Variants in NPFFR2 observed in about 807,000 individuals in gnomAD.
NPFFR2 encodes G-protein coupled receptor 74.
A neutral mutation model predicts 13.1 loss-of-function variants in NPFFR2; 15 were observed. The observed-to-expected ratio is 1.15, with a 90% CI of 0.77 to 1.76. NPFFR2 has a LOEUF of 1.76. Among genes scored for constraint, NPFFR2 ranks in the 40% most tolerant of loss-of-function variants. The pLI, the probability that NPFFR2 is intolerant of heterozygous loss-of-function variation, is 0.00. For missense variants in NPFFR2, 572 were observed against 503.5 expected (o/e 1.14, Z -1.30); for synonymous variants, 190 against 175.7 (o/e 1.08, Z -0.65).
At chr4:72,074,682 A>T (rs756786331) in intron 1 of NPFFR2, among the ~76,000 whole-genome samples, 1 of 152,184 alleles carries the variant, frequency 6.6e-6, no homozygotes, top group African/African-American at 2.4e-5. Context: ...CTTATCAGTA[A>T]TTACTTTTAA....
At chr4:72,083,308 A>G (rs931802642) in intron 1 of NPFFR2, among the ~76,000 whole-genome samples, 12 of 152,190 alleles carry the variant, frequency 7.9e-5, no homozygotes, top group African/African-American at 2.7e-4. Context: ...ATTTCTACCA[A>G]CAGCATACAA....
Position 72,128,586 on chromosome 4 carries a change from T to A in NPFFR2, c.-6T>A. 1 of 1,584,688 alleles carries A rather than the reference T, an allele frequency of 6.3e-7. No individual in the cohort carries two copies. Among genetic ancestry groups the A allele is most frequent in the Non-Finnish European group, 8.6e-7 (1 of 1,160,376 alleles). Reference sequence around the variant, plus strand: ...CTTTTCTGTCTCTTCTTTATTAAGGTTCATCATGAATGAGAAATGGGACAC... The same window carrying A: ...CTTTTCTGTCTCTTCTTTATTAAGGATCATCATGAATGAGAAATGGGACAC... On this transcript the variant is annotated splice_region_variant and 5_prime_UTR_variant, in exon 2 of 4. Transcript: ENST00000308744.
At chr4:72,088,848 T>C (rs1720840145) in intron 1 of NPFFR2, among the ~76,000 whole-genome samples, 1 of 151,864 alleles carries the variant, frequency 6.6e-6, no homozygotes. Context: ...TTTTTTTCAA[T>C]AGGTTTTGGG....
At chr4:72,081,223 G>A (rs1053102120) in intron 1 of NPFFR2, among the ~76,000 whole-genome samples, 1 of 152,068 alleles carries the variant, frequency 6.6e-6, no homozygotes, top group Non-Finnish European at 1.5e-5. Flanking sequence ...TTATTAAAAC[G>A]ATTATTCCCA....
At chr4:72,081,490 T>TA (rs1720617896) in intron 1 of NPFFR2, among the ~76,000 whole-genome samples, 1 of 37,968 alleles carries the variant, frequency 2.6e-5, no homozygotes. Context: ...ATTTAAGAAT[T>TA]GTTTTTTTTT....
chr4:72,143,845 C>G (rs183345020), intron 3 of NPFFR2, among the ~76,000 whole-genome samples: 5 of 152,260 alleles, frequency 3.3e-5, no homozygotes, highest in Admixed American at 2.0e-4. Flanking sequence ...AAGTAGCCCT[C>G]AACTAAAATC....
At chr4:72,071,726 G>A (rs368932292) in intron 1 of NPFFR2, among the ~76,000 whole-genome samples, 36 of 152,116 alleles carry the variant, frequency 2.4e-4, no homozygotes, top group African/African-American at 8.4e-4. Flanking sequence ...TTATATACTG[G>A]GGATCTATGC....
At chr4:72,114,660 C>T (rs1721660839) in intron 1 of NPFFR2, among the ~76,000 whole-genome samples, 1 of 152,048 alleles carries the variant, frequency 6.6e-6, no homozygotes, top group Non-Finnish European at 1.5e-5. Context: ...TTTTCATCAC[C>T]TTATAACACA....
intron 1 of NPFFR2, among the ~76,000 whole-genome samples, chr4:72,093,023 T>G (rs1720957713): frequency 6.6e-6 from 1 of 152,298 alleles, no homozygotes; most frequent in African/African-American, 2.4e-5. Flanking sequence ...ATAGTTCTTG[T>G]TTGGTAGTGG....
intron 1 of NPFFR2, among the ~76,000 whole-genome samples, chr4:72,047,339 A>G (rs1398778090): frequency 6.6e-6 from 1 of 152,126 alleles, no homozygotes; most frequent in East Asian, 1.9e-4. Context: ...CCCTTCCATT[A>G]TAGGCCCAGA....
At chr4:72,119,502 G>T (rs1360339910) in intron 1 of NPFFR2, among the ~76,000 whole-genome samples, 1 of 151,956 alleles carries the variant, frequency 6.6e-6, no homozygotes, top group Non-Finnish European at 1.5e-5. Context: ...TGGCCTAATA[G>T]AAACAGCTCT....
intron 1 of NPFFR2, among the ~76,000 whole-genome samples, chr4:72,115,598 C>T (rs1721690951): frequency 1.3e-5 from 2 of 152,104 alleles, no homozygotes; most frequent in East Asian, 1.9e-4. Flanking sequence ...AATAACTCCC[C>T]TGGGTTGTCT....
intron 1 of NPFFR2, among the ~76,000 whole-genome samples, chr4:72,111,292 G>A (rs1274323138): frequency 6.6e-6 from 1 of 152,012 alleles, no homozygotes; most frequent in African/African-American, 2.4e-5. Context: ...TGGCAATATA[G>A]TAAATGTATA....
intron 1 of NPFFR2, among the ~76,000 whole-genome samples, chr4:72,058,733 T>C (rs2109772401): frequency 6.6e-6 from 1 of 152,182 alleles, no homozygotes; most frequent in Middle Eastern, 3.4e-3. Flanking sequence ...ATTGGCTGTT[T>C]TTCCTCATTC....
At chr4:72,130,916 G>A (rs72857458) in intron 2 of NPFFR2, among the ~76,000 whole-genome samples, 6,651 of 152,254 alleles carry the variant, frequency 0.044, 402 homozygotes, top group African/African-American at 0.14. Flanking sequence ...GAAGTGTGGT[G>A]AATGTGGAGG....
chr4:72,092,882 A>G (rs1720954054), intron 1 of NPFFR2, among the ~76,000 whole-genome samples: 2 of 152,198 alleles, frequency 1.3e-5, no homozygotes, highest in South Asian at 4.1e-4. Context: ...TCATTGTGCC[A>G]TTTGTTGCTT....
At chr4:72,108,838 A>C (rs1287719036) in intron 1 of NPFFR2, among the ~76,000 whole-genome samples, 1 of 152,016 alleles carries the variant, frequency 6.6e-6, no homozygotes, top group African/African-American at 2.4e-5. Flanking sequence ...TAATTGAACA[A>C]TGCAATGTTT....
Position 72,147,012 on chromosome 4 carries a change from C to G in NPFFR2, c.463C>G (p.Leu155Val). 6.2e-7 allele frequency: 1 copy of G among 1,613,784 alleles called. No homozygotes were observed. The highest frequency in any genetic ancestry group is 1.1e-5 in the South Asian group (1 of 91,040). Residue 155 changes from leucine to valine, a missense_variant, in exon 4 of 4, where the codon CTC becomes GTC. Coordinates refer to ENST00000308744, the MANE Select transcript of NPFFR2 (RefSeq NM_004885.3). Reference sequence around the variant, plus strand: ...TGTGGTCTACCCTTTTAAACCAAAGCTCACTATCAAGACAGCGTTTGTCAT... The same window carrying G: ...TGTGGTCTACCCTTTTAAACCAAAGGTCACTATCAAGACAGCGTTTGTCAT... ...QCVVYPFKPK[L>V]TIKTAFVIIM...
intron 1 of NPFFR2, among the ~76,000 whole-genome samples, chr4:72,071,036 T>C (rs1720237948): frequency 6.6e-6 from 1 of 152,162 alleles, no homozygotes; most frequent in African/African-American, 2.4e-5. Context: ...GCTTTATCAC[T>C]GTTAGCAAAT....
Sources: gnomAD v4.1 joint callset for allele counts (sites outside exome capture counted in the v4.1 genomes callset) on GRCh38, gnomAD v4.1.1 for gene constraint, MANE v1.5 for transcripts, NCBI Gene and HGNC (gene_info 2026-07-23, HGNC 2026-07-21) for gene names.